GIGYF2: variants seen among roughly 807,000 people sequenced by gnomAD.
GIGYF2 encodes GRB10-interacting GYF protein 2.
In GIGYF2, 25 loss-of-function variants were observed where a neutral mutation model predicts 208.1. That is an observed-to-expected ratio of 0.12 (90% CI 0.09 to 0.17). GIGYF2 has a LOEUF of 0.17. Ranked by LOEUF, GIGYF2 falls within the 10% of genes least tolerant of loss-of-function variation. The pLI is 1.00. For missense variants in GIGYF2, 1,302 were observed against 1,579.4 expected (o/e 0.82, Z 2.98); for synonymous variants, 534 against 543.8 (o/e 0.98, Z 0.25).
In GIGYF2 at chr2:232,859,876, G is replaced by C. The variant is rs1175102431; in HGVS notation, c.*3016G>C. ...TCCCCCAGAGAACCAGGCAGAAGCT[G>C]TGTTACCTTTTTGAGCTCTTAGCTC... is the stretch of plus-strand genomic sequence containing the variant. On this transcript the variant is annotated 3_prime_UTR_variant, in exon 29 of 29. Coordinates refer to ENST00000373563, the MANE Select transcript of GIGYF2 (RefSeq NM_001103146.3). The C allele has an allele frequency of 6.6e-6, 1 of 152,116 alleles. No individual in the cohort carries two copies. Among genetic ancestry groups the C allele is most frequent in the Non-Finnish European group, 1.5e-5 (1 of 68,028 alleles). 9.4% of individuals were successfully genotyped at this position (152,116 alleles called of 1,614,324 possible).
intron 15 of GIGYF2, among the ~76,000 whole-genome samples, chr2:232,809,474 A>C (rs1477725960): frequency 6.6e-6 from 1 of 152,246 alleles, no homozygotes; most frequent in Non-Finnish European, 1.5e-5. Context: ...GGAGAATGGC[A>C]GCTGAAATAA....
chr2:232,749,775 G>T (rs148341866), intron 5 of GIGYF2, among the ~76,000 whole-genome samples: 1 of 152,164 alleles, frequency 6.6e-6, no homozygotes, highest in East Asian at 1.9e-4. Context: ...GACTCTTAAG[G>T]AAAAGGTAAA....
chr2:232,826,789 C>T (rs1384198684), intron 21 of GIGYF2, among the ~76,000 whole-genome samples: 2 of 152,218 alleles, frequency 1.3e-5, no homozygotes, highest in Non-Finnish European at 2.9e-5. Flanking sequence ...GCATCACATA[C>T]TGCAGATAAA....
chr2:232,760,490 A>G lies in GIGYF2; in HGVS notation c.390A>G (p.Arg130=), dbSNP rs1397695443. 1.2e-6 allele frequency: 2 copies of G among 1,611,166 alleles called. No homozygotes were observed. The highest frequency in any genetic ancestry group is 3.3e-5 in the Admixed American group (2 of 59,970). The change falls in exon 7 of 29, where the codon AGA becomes AGG. Residue 130 remains arginine (R), a synonymous_variant. Transcript: ENST00000373563. ...RSSSRGRGRG[R]GECGFYQRSF... Reference sequence around the variant, plus strand: ...TTTTCTTATTTTCAGGCAGAGGCAGAGGTGAATGTGGTTTCTACCAAAGAA... The same window carrying G: ...TTTTCTTATTTTCAGGCAGAGGCAGGGGTGAATGTGGTTTCTACCAAAGAA...
chr2:232,816,563 A>G (rs533829955), intron 19 of GIGYF2, among the ~76,000 whole-genome samples: 30 of 152,304 alleles, frequency 2.0e-4, no homozygotes, highest in Middle Eastern at 3.4e-3. Context: ...GTGGGAGGAA[A>G]GTGCATTCAA....
chr2:232,723,629 A>C (rs1251227300), intron 2 of GIGYF2, among the ~76,000 whole-genome samples: 1 of 150,802 alleles, frequency 6.6e-6, no homozygotes, highest in Non-Finnish European at 1.5e-5. Context: ...GGGGGTTTCA[A>C]CATATTGGCC....
At chr2:232,723,149 A>G (rs577040076) in intron 2 of GIGYF2, among the ~76,000 whole-genome samples, 348 of 152,136 alleles carry the variant, frequency 2.3e-3, no homozygotes, top group Non-Finnish European at 4.0e-3. Flanking sequence ...ACCCCCTTCA[A>G]TAAAACTCTA....
chr2:232,792,442 A>G (rs1238416046), intron 12 of GIGYF2, among the ~76,000 whole-genome samples: 1 of 152,162 alleles, frequency 6.6e-6, no homozygotes, highest in Non-Finnish European at 1.5e-5. Context: ...TATTTTTTTA[A>G]AGAGATGGGA....
At chr2:232,732,247 A>G (rs1258953585) in intron 2 of GIGYF2, among the ~76,000 whole-genome samples, 1 of 152,216 alleles carries the variant, frequency 6.6e-6, no homozygotes, top group East Asian at 1.9e-4. Flanking sequence ...GGGCTGCTGC[A>G]TGTGGTCATA....
Position 232,814,612 on chromosome 2 carries a change from T to C in GIGYF2, c.2108-1025T>C, listed in dbSNP as rs879564749. On this transcript the variant is annotated intron_variant, in intron 18 of 28. Coordinates refer to ENST00000373563, the MANE Select transcript of GIGYF2 (RefSeq NM_001103146.3). ...GTACCTTCAGGCTATGTCTATAAAG[T>C]GTATATGAAAGATTAATAAATTTTA... Among the ~76,000 whole-genome samples, 3 of 130,072 alleles carry C rather than the reference T, an allele frequency of 2.3e-5. No homozygotes were observed. In the Admixed American group the frequency reaches 2.7e-4, roughly 12 times the overall value. The allele number at this position is 130,072 out of a possible 152,430, so 85.3% of individuals were successfully genotyped here. A position where few individuals can be genotyped will look rare whatever the true frequency, so the allele number is the denominator to read the frequency against.
At chr2:232,814,130 C>T (rs573046814) in intron 18 of GIGYF2, among the ~76,000 whole-genome samples, 1 of 152,102 alleles carries the variant, frequency 6.6e-6, no homozygotes, top group African/African-American at 2.4e-5. Flanking sequence ...AAGTGATCCG[C>T]CTGCCTCTGC....
intron 6 of GIGYF2, among the ~76,000 whole-genome samples, chr2:232,757,970 C>T (rs1366935991): frequency 6.6e-6 from 1 of 152,152 alleles, no homozygotes; most frequent in Non-Finnish European, 1.5e-5. Flanking sequence ...GAAGTCATGA[C>T]TTTATTTACA....
At chr2:232,699,254 C>T (rs1265009976) in intron 1 of GIGYF2, among the ~76,000 whole-genome samples, 2 of 152,038 alleles carry the variant, frequency 1.3e-5, no homozygotes, top group African/African-American at 2.4e-5. Context: ...AGCAAAGACC[C>T]GGAGACAAAA....
rs149682624 is a variant in GIGYF2 at position 232,839,866 on chromosome 2, G to C, written c.2784G>C (p.Thr928=). Reference sequence around the variant, plus strand: ...TTTGTTAGCTTCCTTCTTCTTCAACGTGGGGCCAGCAGTCCAATACAACAG... The same window carrying C: ...TTTGTTAGCTTCCTTCTTCTTCAACCTGGGGCCAGCAGTCCAATACAACAG... The part of the protein sequence containing the change: ...LAQMKLPSSS[T]WGQQSNTTAC... Residue 928 remains threonine (T), a synonymous_variant, in exon 23 of 29, where the codon ACG becomes ACC. Coordinates refer to ENST00000373563, the MANE Select transcript of GIGYF2 (RefSeq NM_001103146.3). The C allele has an allele frequency of 3.7e-4, 593 of 1,613,876 alleles. No homozygotes were observed. In the African/African-American group the frequency reaches 7.2e-3, roughly 20 times the overall value.
intron 28 of GIGYF2, among the ~76,000 whole-genome samples, chr2:232,853,774 T>A (rs566180151): frequency 6.6e-6 from 1 of 152,350 alleles, no homozygotes; most frequent in Non-Finnish European, 1.5e-5. Flanking sequence ...GTGGATTGAA[T>A]CCGTGTTTGT....
At chr2:232,843,133 C>CCG (rs1701870642) in intron 23 of GIGYF2, 1 of 145,140 alleles carries the variant, frequency 6.9e-6, no homozygotes, top group East Asian at 2.0e-4. Context: ...TGTGTTTATG[C>CCG]TGTGTGTGTG....
chr2:232,757,938 AAGAT>A (rs1224707548), intron 6 of GIGYF2, among the ~76,000 whole-genome samples: 7 of 152,152 alleles, frequency 4.6e-5, no homozygotes, highest in Non-Finnish European at 7.4e-5. Flanking sequence ...CTATGTAAAA[AAGAT>A]AGATGTGACA....
Position 232,734,696 on chromosome 2 carries a change from G to A in GIGYF2, c.-43-459G>A, listed in dbSNP as rs536654635. Reference sequence around the variant, plus strand: ...TAAGCAGAAGGTGAGGAGAGTTGTGGCAGAAGCTATGTGATAGGTAAGGAG... The same window carrying A: ...TAAGCAGAAGGTGAGGAGAGTTGTGACAGAAGCTATGTGATAGGTAAGGAG... On this transcript the variant is annotated intron_variant, in intron 2 of 28. Transcript: ENST00000373563. 2.0e-5 allele frequency among the ~76,000 whole-genome samples: 3 copies of A among 152,290 alleles called. No individual in the cohort carries two copies. In the South Asian group the frequency reaches 6.2e-4, roughly 32 times the overall value.
At chr2:232,797,867 G>A (rs1455937595) in intron 14 of GIGYF2, among the ~76,000 whole-genome samples, 1 of 151,532 alleles carries the variant, frequency 6.6e-6, no homozygotes, top group Admixed American at 6.6e-5. Flanking sequence ...TGTAGTCCCA[G>A]CTACTTAGGT....
Sources: allele counts gnomAD v4.1 joint callset (sites outside exome capture counted in the v4.1 genomes callset), GRCh38; gene constraint gnomAD v4.1.1; transcripts MANE v1.5; gene names NCBI Gene and HGNC (gene_info 2026-07-23, HGNC 2026-07-21).